The following AFG2A variants were observed in gnomAD, a reference collection of about 807,000 sequenced individuals.
AFG2A encodes the protein AAA ATPase AFG2A, also known as ATPase family gene 2 protein homolog A.
chr4:123,047,574 CT>C, the AFG2A span, among the ~76,000 whole-genome samples: 5 of 150,690 alleles, frequency 3.3e-5, no homozygotes, highest in Non-Finnish European at 5.9e-5. Flanking sequence ...GGTAATTTGT[CT>C]TTTTTTTTGC....
chr4:123,024,599 A>G, the AFG2A span, among the ~76,000 whole-genome samples: 1 of 152,212 alleles, frequency 6.6e-6, no homozygotes, highest in Admixed American at 6.5e-5. Flanking sequence ...CCAACTAAGT[A>G]ATCAAAGGAA....
At chr4:123,046,821 C>T in the AFG2A span, among the ~76,000 whole-genome samples, 54 of 152,204 alleles carry the variant, frequency 3.5e-4, 2 homozygotes, top group East Asian at 9.7e-3. Context: ...CTCTGGTAAC[C>T]ACCATTCTAC....
the AFG2A span, among the ~76,000 whole-genome samples, chr4:123,075,987 A>T: frequency 7.4e-6 from 1 of 135,164 alleles, no homozygotes; most frequent in Admixed American, 7.3e-5. Flanking sequence ...AAAAAAAAAA[A>T]CAAAAAAAAA....
the AFG2A span, among the ~76,000 whole-genome samples, chr4:123,135,056 A>G: frequency 1.3e-5 from 2 of 152,210 alleles, no homozygotes; most frequent in Admixed American, 6.5e-5. Flanking sequence ...AGGATCATTT[A>G]CCAGTAGATC....
At chr4:123,262,173 C>G in the AFG2A span, among the ~76,000 whole-genome samples, 1 of 152,148 alleles carries the variant, frequency 6.6e-6, no homozygotes, top group Non-Finnish European at 1.5e-5. Flanking sequence ...TCTGGCAAAA[C>G]AGCTGTCTCA....
the AFG2A span, among the ~76,000 whole-genome samples, chr4:123,247,938 A>G: frequency 1.3e-5 from 2 of 152,010 alleles, no homozygotes; most frequent in African/African-American, 4.8e-5. Context: ...ATCATTTTCT[A>G]CTAGTGTCTT....
chr4:123,169,916 T>C, the AFG2A span, among the ~76,000 whole-genome samples: 2 of 152,246 alleles, frequency 1.3e-5, no homozygotes, highest in Non-Finnish European at 2.9e-5. Flanking sequence ...TGCTAAATGA[T>C]TGGAACAAAG....
the AFG2A span, among the ~76,000 whole-genome samples, chr4:122,992,179 A>G: frequency 1.5e-4 from 23 of 152,362 alleles, 1 homozygote; most frequent in South Asian, 4.8e-3. Context: ...TATTCATCAT[A>G]GGAACTGGTA....
chr4:122,989,476 G>A, the AFG2A span, among the ~76,000 whole-genome samples: 1 of 152,092 alleles, frequency 6.6e-6, no homozygotes. Context: ...CTGTGTCTAT[G>A]GGGGTGATCC....
the AFG2A span, among the ~76,000 whole-genome samples, chr4:123,132,038 T>G: frequency 6.6e-6 from 1 of 152,228 alleles, no homozygotes; most frequent in Non-Finnish European, 1.5e-5. Context: ...GTGATTGTGA[T>G]CTGTACTTCC....
At chr4:123,277,672 GT>G in the AFG2A span, among the ~76,000 whole-genome samples, 1 of 152,094 alleles carries the variant, frequency 6.6e-6, no homozygotes, top group Admixed American at 6.6e-5. Context: ...TTTATTGAGG[GT>G]TTTTTAAATG....
At chr4:123,247,140 C>A in the AFG2A span, among the ~76,000 whole-genome samples, 1 of 152,000 alleles carries the variant, frequency 6.6e-6, no homozygotes, top group African/African-American at 2.4e-5. Context: ...TTTCTTTCCC[C>A]CGTAAATTAT....
chr4:123,007,567 TA>T, the AFG2A span, among the ~76,000 whole-genome samples: 2 of 24,040 alleles, frequency 8.3e-5, no homozygotes, highest in African/African-American at 1.4e-4. Context: ...TGTGTGTGTA[TA>T]TGTGTGTGTG....
the AFG2A span, among the ~76,000 whole-genome samples, chr4:123,199,601 A>G: frequency 1.3e-5 from 2 of 150,670 alleles, no homozygotes; most frequent in Non-Finnish European, 2.9e-5. Context: ...CCTCCTGAGT[A>G]GCTGGGACTA....
chr4:122,995,072 A>G, the AFG2A span, among the ~76,000 whole-genome samples: 24,817 of 152,078 alleles, frequency 0.16, 2,466 homozygotes, highest in East Asian at 0.45. Flanking sequence ...AGTTTAATTG[A>G]CTATAATTAT....
At chr4:122,956,468 G>T in the AFG2A span, among the ~76,000 whole-genome samples, 4 of 151,716 alleles carry the variant, frequency 2.6e-5, no homozygotes, top group Non-Finnish European at 5.9e-5. Context: ...GTTTAGAGGG[G>T]TATAAGACTT....
the AFG2A span, among the ~76,000 whole-genome samples, chr4:123,296,926 A>G: frequency 6.6e-6 from 1 of 152,228 alleles, no homozygotes; most frequent in African/African-American, 2.4e-5. Flanking sequence ...ACTCAGAATT[A>G]TAGCATGAAG....
chr4:123,221,080 G>C, the AFG2A span, among the ~76,000 whole-genome samples: 1 of 152,112 alleles, frequency 6.6e-6, no homozygotes, highest in Non-Finnish European at 1.5e-5. Flanking sequence ...GCCACATGTG[G>C]CTATTGAGCA....
chr4:123,303,520 C>T, the AFG2A span, among the ~76,000 whole-genome samples: 1 of 152,218 alleles, frequency 6.6e-6, no homozygotes, highest in South Asian at 2.1e-4. Flanking sequence ...AGTCCCAACA[C>T]TTGGGAGGCC....
Sources: gnomAD v4.1 joint callset for allele counts (sites outside exome capture counted in the v4.1 genomes callset) on GRCh38, gnomAD v4.1.1 for gene constraint, MANE v1.5 for transcripts, NCBI Gene and HGNC (gene_info 2026-07-23, HGNC 2026-07-21) for gene names.